RAPGEF2: variants seen among roughly 807,000 people sequenced by gnomAD.
The protein encoded by RAPGEF2 is Rap guanine nucleotide exchange factor 2.
RAPGEF2 carries 54 observed loss-of-function variants against 186.7 expected under a neutral mutation model. The ratio of observed to expected loss-of-function variants is 0.29; its 90% CI spans 0.23 to 0.36. RAPGEF2 has a LOEUF of 0.36. Ranked by LOEUF, RAPGEF2 falls within the 10% of genes least tolerant of loss-of-function variation. The pLI, the probability that RAPGEF2 is intolerant of heterozygous loss-of-function variation, is 1.00. For missense variants in RAPGEF2, 1,532 were observed against 2,045.0 expected, an observed-to-expected ratio of 0.75 and a Z score of 4.84; for synonymous variants, 712 against 705.9, an observed-to-expected ratio of 1.01 and a Z score of -0.14.
chr4:159,323,164 A>T (rs998252777), intron 10 of RAPGEF2, among the ~76,000 whole-genome samples: 4 of 152,240 alleles, frequency 2.6e-5, no homozygotes, highest in Non-Finnish European at 5.9e-5. Flanking sequence ...TTTTGTCTAC[A>T]TGAGCTTTGG....
At chr4:159,175,424 T>G (rs992344101) in intron 1 of RAPGEF2, among the ~76,000 whole-genome samples, 2 of 152,092 alleles carry the variant, frequency 1.3e-5, no homozygotes, top group Non-Finnish European at 2.9e-5. Flanking sequence ...GCTGGTGATA[T>G]GACATTTTTG....
At chr4:159,278,792 C>T (rs1352911224) in intron 7 of RAPGEF2, among the ~76,000 whole-genome samples, 2 of 152,120 alleles carry the variant, frequency 1.3e-5, no homozygotes, top group Non-Finnish European at 2.9e-5. Flanking sequence ...GGAGGTAATA[C>T]GGTTGTGTGA....
rs1580073007 is a variant in RAPGEF2 at position 159,353,753 on chromosome 4, G to C, written c.4358G>C (p.Ser1453Thr). ...GATCCTGCAGGTTTATGGGCATCAA[G>C]CAGCCATATGGACCAAATTATGTTT... ...SGDPAGLWAS[S>T]SHMDQIMFSD... is the part of the protein sequence containing the mutation. Residue 1453 changes from serine (S) to threonine (T), a missense_variant, in exon 28 of 30, where the codon AGC becomes ACC. Ser to Thr is a moderately conservative substitution (Grantham distance 58). Around this residue, in one of 4 missense-constraint regions of RAPGEF2, gnomAD observed 594 missense variants for 608.5 expected, o/e 0.98. Transcript: ENST00000691494. This position sits in a 1 kb window ranked among gnomAD's most constrained non-coding sequence, Gnocchi z 4.3. The C allele has an allele frequency of 6.2e-7, 1 of 1,613,518 alleles. No homozygotes were observed. The highest frequency in any genetic ancestry group is 8.5e-7 in the Non-Finnish European group (1 of 1,179,744).
chr4:159,243,744 T>C (rs1451502752), intron 6 of RAPGEF2, 30 bp from the exon 7 acceptor site: 10 of 1,263,824 alleles, frequency 7.9e-6, no homozygotes, highest in Non-Finnish European at 9.3e-6. Context: ...CTTTCCTCCT[T>C]TATGGCACTC....
chr4:159,264,507 G>A (rs1361711553), intron 7 of RAPGEF2, among the ~76,000 whole-genome samples: 1 of 152,064 alleles, frequency 6.6e-6, no homozygotes, highest in East Asian at 1.9e-4. Flanking sequence ...GTGTTTTGTG[G>A]GACACGGGCC....
At chr4:159,250,472 C>CAAAGGGAAATATTTGAGGATGA (rs1230043908) in intron 7 of RAPGEF2, among the ~76,000 whole-genome samples, 2 of 152,028 alleles carry the variant, frequency 1.3e-5, no homozygotes, top group African/African-American at 2.4e-5. Context: ...GGAGTAATTA[C>CAAAGGGAAATATTTGAGGATGA]AAAGGGAAAT....
chr4:159,295,219 C>A (rs1197238575), intron 7 of RAPGEF2, among the ~76,000 whole-genome samples: 10 of 152,098 alleles, frequency 6.6e-5, no homozygotes, highest in Admixed American at 6.5e-4. Flanking sequence ...TTTAAATCAC[C>A]CAACTCAGTA....
chr4:159,340,111 C>T (rs1019668268), intron 19 of RAPGEF2, among the ~76,000 whole-genome samples: 1 of 152,186 alleles, frequency 6.6e-6, no homozygotes, highest in African/African-American at 2.4e-5. Context: ...GGTTGCTACA[C>T]TCAAAATTAA....
intron 8 of RAPGEF2, among the ~76,000 whole-genome samples, chr4:159,310,092 A>G (rs1252392648): frequency 6.6e-6 from 1 of 152,272 alleles, no homozygotes; most frequent in East Asian, 1.9e-4. Flanking sequence ...TCAGCTCACA[A>G]TGTTAAAATG....
chr4:159,330,553 C>G (rs1766546188), intron 13 of RAPGEF2, 55 bp downstream of exon 13: 16 of 1,266,794 alleles, frequency 1.3e-5, no homozygotes, highest in Non-Finnish European at 1.8e-5. Flanking sequence ...CCTAAAGATA[C>G]TTTAATGTGT....
chr4:159,346,517 A>G (rs949487698), intron 24 of RAPGEF2, among the ~76,000 whole-genome samples: 6 of 152,166 alleles, frequency 3.9e-5, no homozygotes, highest in African/African-American at 1.4e-4. Context: ...ACATTTTTCT[A>G]TATTTTTAAT....
intron 4 of RAPGEF2, among the ~76,000 whole-genome samples, chr4:159,238,501 C>T (rs1444388422): frequency 1.3e-5 from 2 of 152,058 alleles, no homozygotes; most frequent in African/African-American, 4.8e-5. Context: ...TCTCAAAGTT[C>T]ACCTGAGGAT....
chr4:159,239,841 A>T (rs1753745753), intron 5 of RAPGEF2, among the ~76,000 whole-genome samples: 1 of 152,208 alleles, frequency 6.6e-6, no homozygotes, highest in South Asian at 2.1e-4. Flanking sequence ...ACTTTTATTC[A>T]CATTTAGTAA....
chr4:159,314,579 G>T lies in RAPGEF2; in HGVS notation c.676-12G>T. Reference sequence around the variant, plus strand: ...TTAAAATAGTTTTTAATTTTTGTGTGTGTGTCTTAAGGCCACAGAAAGCGA... The same window carrying T: ...TTAAAATAGTTTTTAATTTTTGTGTTTGTGTCTTAAGGCCACAGAAAGCGA... On this transcript the variant is annotated splice_polypyrimidine_tract_variant and intron_variant, in intron 8 of 29. Coordinates refer to ENST00000691494, the MANE Select transcript of RAPGEF2 (RefSeq NM_001394067.2). 2 of 1,590,096 alleles carry T rather than the reference G, an allele frequency of 1.3e-6. No individual in the cohort carries two copies. The highest frequency in any genetic ancestry group is 1.7e-6 in the Non-Finnish European group (2 of 1,172,836).
intron 17 of RAPGEF2, among the ~76,000 whole-genome samples, chr4:159,333,519 A>T (rs1357890584): frequency 3.9e-5 from 6 of 152,192 alleles, no homozygotes; most frequent in Non-Finnish European, 5.9e-5. Flanking sequence ...CCAAGCACAG[A>T]ACTCCTTTCA....
At chr4:159,251,079 G>A (rs910558455) in intron 7 of RAPGEF2, among the ~76,000 whole-genome samples, 3 of 152,226 alleles carry the variant, frequency 2.0e-5, no homozygotes, top group African/African-American at 7.2e-5. Flanking sequence ...AGCAGCTGTG[G>A]AGGGTGCGCC....
intron 17 of RAPGEF2, among the ~76,000 whole-genome samples, chr4:159,333,738 A>G (rs1450439038): frequency 1.3e-5 from 2 of 152,188 alleles, no homozygotes; most frequent in Admixed American, 6.5e-5. Flanking sequence ...ACTGTCAGCC[A>G]TTTCTCACTG....
Position 159,282,867 on chromosome 4 carries a change from C to T in RAPGEF2, c.544-21475C>T, listed in dbSNP as rs186993153. 2.4e-4 allele frequency among the ~76,000 whole-genome samples: 37 copies of T among 152,176 alleles called. No individual in the cohort carries two copies. In the East Asian group the frequency reaches 3.7e-3, roughly 15 times the overall value. ...GTCATTATGGGGCTCATAAATGCTG[C>T]GTTCTTTTAAGAAGAAGAATGTAAA... is the stretch of plus-strand genomic sequence containing the variant. On this transcript the variant is annotated intron_variant, in intron 7 of 29. Transcript: ENST00000691494.
intron 7 of RAPGEF2, among the ~76,000 whole-genome samples, chr4:159,254,049 G>A (rs76317994): frequency 0.025 from 3,763 of 152,292 alleles, 152 homozygotes; most frequent in African/African-American, 0.086. Flanking sequence ...TGTAACAAAA[G>A]TGCTTTATGC....
Sources: gnomAD v4.1 joint callset for allele counts (sites outside exome capture counted in the v4.1 genomes callset) on GRCh38, gnomAD v4.1.1 for gene constraint, gnomAD v4.1.1 regional missense constraint, Gnocchi (gnomAD v3.1) non-coding constraint, MANE v1.5 for transcripts, NCBI Gene and HGNC (gene_info 2026-07-23, HGNC 2026-07-21) for gene names.